ZNF585B: variants seen among roughly 807,000 people sequenced by gnomAD.
ZNF585B encodes the protein zinc finger protein 585B.
A neutral mutation model predicts 14.0 loss-of-function variants in ZNF585B; 7 were observed. That is an observed-to-expected ratio of 0.50 (90% CI 0.28 to 0.94). The LOEUF (loss-of-function observed/expected upper bound fraction) is 0.94. ZNF585B is among the 40% of genes least tolerant of loss of function. ZNF585B has a pLI of 0.09. For synonymous variants in ZNF585B, 290 were observed against 317.3 expected (o/e 0.91, Z 0.91); for missense variants, 750 against 924.4 (o/e 0.81, Z 2.45).
At chr19:37,193,469 T>G (rs1363133433) in intron 2 of ZNF585B, among the ~76,000 whole-genome samples, 3 of 125,638 alleles carry the variant, frequency 2.4e-5, no homozygotes, top group African/African-American at 1.0e-4. Context: ...GGCCTCTGTC[T>G]CAAAAAAAAA....
chr19:37,190,254 CA>C (rs1235252813), intron 2 of ZNF585B, 104 bp from the exon 3 acceptor site: 6 of 1,503,546 alleles, frequency 4.0e-6, no homozygotes, highest in Non-Finnish European at 5.4e-6. Flanking sequence ...TAATTTACTT[CA>C]TTTTTTTTTT....
rs777447193 is a variant in ZNF585B, at chr19:37,189,762, G to A, written c.200-9C>T. The A allele has an allele frequency of 5.6e-6, 9 of 1,613,932 alleles. No individual in the cohort carries two copies. The highest frequency in any genetic ancestry group is 7.6e-6 in the Non-Finnish European group (9 of 1,179,982). On this transcript the variant is annotated splice_polypyrimidine_tract_variant and intron_variant, in intron 3 of 4. Transcript: ENST00000532828. ...TTTAGGAACTTGATACCCTGTTCATGGGAAATGATAAAGGTCTGGGTCCAG... is the reference window on the plus strand; with the variant it reads ...TTTAGGAACTTGATACCCTGTTCATAGGAAATGATAAAGGTCTGGGTCCAG...
intron 2 of ZNF585B, among the ~76,000 whole-genome samples, chr19:37,197,573 T>A (rs1972480719): frequency 6.6e-6 from 1 of 152,312 alleles, no homozygotes; most frequent in East Asian, 1.9e-4. Flanking sequence ...TCCACAATGG[T>A]TGAACTAATT....
In ZNF585B at chr19:37,203,452, C is replaced by CCT. The variant is rs568715275; in HGVS notation, c.72+3586_72+3587dup. Among the ~76,000 whole-genome samples the CCT allele has an allele frequency of 2.3e-3, 339 of 144,880 alleles. 1 individual carries two copies. The South Asian group carries it at 0.025, about 11-fold the overall frequency. On this transcript the variant is annotated intron_variant, in intron 2 of 4. Transcript: ENST00000532828. ...CTGAGATCGTGCCACCGCACTCCAG[C>CCT]CTGGGCAACATAGTAAGATCTTGTC...
At chr19:37,197,387 A>C (rs1213714112) in intron 2 of ZNF585B, among the ~76,000 whole-genome samples, 2 of 152,086 alleles carry the variant, frequency 1.3e-5, no homozygotes, top group African/African-American at 4.8e-5. Flanking sequence ...TCACTGATGG[A>C]CATTTGGGTT....
rs536715254 is a variant in ZNF585B at position 37,197,486 on chromosome 19, G to A, written c.73-7336C>T. ...AGTAGCATGATTTATAATCTTTTGG[G>A]TATATACCCAGTAACGGGATTGCTG... On this transcript the variant is annotated intron_variant, in intron 2 of 4. Coordinates refer to ENST00000532828, the MANE Select transcript of ZNF585B (RefSeq NM_152279.4). 1.3e-3 allele frequency among the ~76,000 whole-genome samples: 198 copies of A among 152,192 alleles called. 1 individual carries two copies. Among genetic ancestry groups the A allele is most frequent in the Non-Finnish European group, 2.3e-3 (155 of 68,018 alleles).
intron 2 of ZNF585B, among the ~76,000 whole-genome samples, chr19:37,204,321 G>A (rs1050332731): frequency 2.0e-5 from 3 of 152,086 alleles, no homozygotes; most frequent in East Asian, 1.9e-4. Context: ...AGTTAGCCTC[G>A]TACTATCAAT....
chr19:37,202,246 A>G lies in ZNF585B; in HGVS notation c.72+4794T>C, dbSNP rs112647671. 2.4e-3 allele frequency among the ~76,000 whole-genome samples: 371 copies of G among 151,964 alleles called. 1 individual carries two copies. Among genetic ancestry groups the G allele is most frequent in the Middle Eastern group, 6.8e-3 (2 of 294 alleles). On this transcript the variant is annotated intron_variant, in intron 2 of 4. Transcript: ENST00000532828. ...TCAAACTCCCGACCTCAGGTGATCC[A>G]CCCTCCTTGGCCTACCAAAGTGCTA... is the stretch of plus-strand genomic sequence containing the variant.
In ZNF585B at chr19:37,185,170, G is replaced by C. The variant is rs1475463707; in HGVS notation, c.*57C>G. On this transcript the variant is annotated 3_prime_UTR_variant, in exon 5 of 5. Coordinates refer to ENST00000532828, the MANE Select transcript of ZNF585B (RefSeq NM_152279.4). ...ATATACATATTTTTCTGCTGCATGCGTGCAACAGTGTACAATCAGACCCAA... is the reference window on the plus strand; with the variant it reads ...ATATACATATTTTTCTGCTGCATGCCTGCAACAGTGTACAATCAGACCCAA... The C allele has an allele frequency of 6.8e-7, 1 of 1,469,612 alleles. No homozygotes were observed. Among genetic ancestry groups the C allele is most frequent in the Non-Finnish European group, 9.2e-7 (1 of 1,088,892 alleles). The allele number at this position is 1,469,612 out of a possible 1,614,324, so 91.0% of individuals were successfully genotyped here.
At position 37,186,695 on chromosome 19, in the gene ZNF585B, T is replaced by C. The variant is rs750401647; in HGVS notation, c.842A>G (p.Gln281Arg). Residue 281 changes from glutamine to arginine, a missense_variant, in exon 5 of 5, where the codon CAG becomes CGG. Around this residue, in one of 2 missense-constraint regions of ZNF585B, gnomAD observed 517 missense variants for 570.3 expected, o/e 0.91. Coordinates refer to ENST00000532828, the MANE Select transcript of ZNF585B (RefSeq NM_152279.4). ...ICIECGQAFI[Q>R]KTQLIAHRRI... Reference sequence around the variant, plus strand: ...TCGGTGTGCAATCAATTGTGTTTTCTGGATGAAGGCCTGCCCGCATTCAAT... The same window carrying C: ...TCGGTGTGCAATCAATTGTGTTTTCCGGATGAAGGCCTGCCCGCATTCAAT... 3.7e-6 allele frequency: 6 copies of C among 1,614,218 alleles called. No individual in the cohort carries two copies. The South Asian group carries it at 6.6e-5, about 18-fold the overall frequency.
chr19:37,186,118 C>G lies in ZNF585B; in HGVS notation c.1419G>C (p.Lys473Asn), dbSNP rs753067532. 4 of 1,613,984 alleles carry G rather than the reference C, an allele frequency of 2.5e-6. No individual in the cohort carries two copies. The Admixed American group carries it at 6.7e-5, about 27-fold the overall frequency. The change falls in exon 5 of 5, where the codon AAG (lysine) becomes AAC (asparagine). Residue 473 changes from lysine to asparagine, a missense_variant. This residue lies in a region of ZNF585B where 517 missense variants were observed against 570.3 expected (regional missense o/e 0.91). Coordinates refer to ENST00000532828, the MANE Select transcript of ZNF585B (RefSeq NM_152279.4). ...EKPYVCNKCGKAFTNRSNLIT... is the reference protein window; with the variant it reads ...EKPYVCNKCGNAFTNRSNLIT... ...TGAGATTTGACCGGTTGGTGAATGC[C>G]TTCCCACATTTATTGCATACATAGG...
At chr19:37,200,053 TAATAAAATAAAATAAAATAAAATAA>T (rs74174449) in intron 2 of ZNF585B, among the ~76,000 whole-genome samples, 24 of 144,646 alleles carry the variant, frequency 1.7e-4, no homozygotes, top group South Asian at 4.4e-4. Flanking sequence ...CAAAAATAAA[TAATAAAATAAAATAAAATAAAATAA>T]AATAAAATAA....
intron 2 of ZNF585B, among the ~76,000 whole-genome samples, chr19:37,196,270 A>G (rs1282617847): frequency 6.6e-6 from 1 of 152,224 alleles, no homozygotes; most frequent in Non-Finnish European, 1.5e-5. Flanking sequence ...GTGTACTACA[A>G]TAACTGAAAT....
chr19:37,204,847 A>T (rs1261363304), intron 2 of ZNF585B, among the ~76,000 whole-genome samples: 1 of 151,998 alleles, frequency 6.6e-6, no homozygotes, highest in East Asian at 1.9e-4. Context: ...CCTAGGTTCA[A>T]GCGATTCTCC....
intron 4 of ZNF585B, among the ~76,000 whole-genome samples, chr19:37,189,366 G>A (rs939085218): frequency 1.3e-5 from 2 of 152,036 alleles, no homozygotes; most frequent in Middle Eastern, 3.2e-3. Context: ...GGATGTAAAC[G>A]AGAGACTCTA....
intron 2 of ZNF585B, among the ~76,000 whole-genome samples, chr19:37,205,541 T>G (rs1972576566): frequency 6.6e-6 from 1 of 152,158 alleles, no homozygotes; most frequent in African/African-American, 2.4e-5. Context: ...GTAGTTGTTT[T>G]CATTTGTATA....
In ZNF585B at chr19:37,186,781, T is replaced by C. The variant is rs1464879811; in HGVS notation, c.756A>G (p.Thr252=). The change falls in exon 5 of 5, where the codon ACA becomes ACG. Residue 252 remains threonine, a synonymous_variant. Coordinates refer to ENST00000532828, the MANE Select transcript of ZNF585B (RefSeq NM_152279.4). ...GATGAATCTTGAGTGTGGACTTTTG[T>C]GTGAACGCTTTGCCACAGTCAGTGC... ...HECTDCGKAF[T]QKSTLKIHQK... 1.2e-6 allele frequency: 2 copies of C among 1,614,184 alleles called. No individual in the cohort carries two copies. Among genetic ancestry groups the C allele is most frequent in the Admixed American group, 3.3e-5 (2 of 60,032 alleles).
chr19:37,198,895 A>G, intron 2 of ZNF585B: 2 of 1,168,124 alleles, frequency 1.7e-6, no homozygotes, highest in Non-Finnish European at 2.4e-6. Flanking sequence ...TACTAAAGAT[A>G]TTTATAATTT....
intron 2 of ZNF585B, among the ~76,000 whole-genome samples, chr19:37,197,831 C>T (rs144438924): frequency 6.0e-4 from 92 of 152,214 alleles, no homozygotes; most frequent in African/African-American, 2.1e-3. Context: ...ACCGCAATTA[C>T]TTTTGCACCA....
Sources: allele counts gnomAD v4.1 joint callset (sites outside exome capture counted in the v4.1 genomes callset), GRCh38; gene constraint gnomAD v4.1.1; regional missense constraint gnomAD v4.1.1; transcripts MANE v1.5; gene names NCBI Gene and HGNC (gene_info 2026-07-23, HGNC 2026-07-21).